RPH3AL: variants seen among roughly 807,000 people sequenced by gnomAD.
RPH3AL encodes rabphilin 3A like (without C2 domains).
Under a neutral mutation model 43.1 loss-of-function variants are expected in RPH3AL, and 38 were observed. That is an observed-to-expected ratio of 0.88 (90% CI 0.68 to 1.15). RPH3AL has a LOEUF of 1.15. RPH3AL is among the 50% of genes most tolerant of loss of function. The pLI, the probability that RPH3AL is intolerant of heterozygous loss-of-function variation, is 0.00. For missense variants in RPH3AL, 462 were observed against 423.2 expected (o/e 1.09, Z -0.81); for synonymous variants, 189 against 176.3 (o/e 1.07, Z -0.57).
chr17:339,100 C>T (rs1244816614), intron 1 of RPH3AL: 2 of 152,382 alleles, frequency 1.3e-5, no homozygotes, highest in Non-Finnish European at 2.9e-5. Flanking sequence ...CGGCTGACCT[C>T]GCCTGCTATC....
At chr17:220,579 A>G (rs201954953) in intron 7 of RPH3AL, among the ~76,000 whole-genome samples, 20 of 44,554 alleles carry the variant, frequency 4.5e-4, no homozygotes, top group African/African-American at 2.8e-3. Context: ...GAGACAATAG[A>G]CCCAAGCACA....
At chr17:249,501 C>A (rs2041838167) in intron 6 of RPH3AL, among the ~76,000 whole-genome samples, 1 of 152,004 alleles carries the variant, frequency 6.6e-6, no homozygotes, top group Non-Finnish European at 1.5e-5. Context: ...ACCACCGCCA[C>A]CCCCCTCCTG....
At chr17:304,998 AGGGGACAGGGCGAGAG>A (rs2043439750) in intron 5 of RPH3AL, among the ~76,000 whole-genome samples, 4 of 4,056 alleles carry the variant, frequency 9.9e-4, no homozygotes, top group Non-Finnish European at 2.2e-3. Context: ...ACAGGGCGAG[AGGGGACAGGGCGAGAG>A]GGGGACAGGG....
At chr17:350,378 G>A (rs1212411279) in intron 1 of RPH3AL, among the ~76,000 whole-genome samples, 3 of 152,148 alleles carry the variant, frequency 2.0e-5, no homozygotes, top group East Asian at 3.9e-4. Flanking sequence ...TTGGGAGGCC[G>A]AGGTGGGCAG....
At chr17:266,446 C>A (rs1360909081) in intron 6 of RPH3AL, among the ~76,000 whole-genome samples, 1 of 152,194 alleles carries the variant, frequency 6.6e-6, no homozygotes, top group Non-Finnish European at 1.5e-5. Context: ...CTGCAGGTGG[C>A]CGGCTGGCTC....
intron 7 of RPH3AL, among the ~76,000 whole-genome samples, chr17:222,553 T>G (rs2041016636): frequency 6.6e-6 from 1 of 152,218 alleles, no homozygotes; most frequent in South Asian, 2.1e-4. Context: ...CGTATTTGGC[T>G]GGGTAATCAA....
chr17:285,266 C>G (rs143888822), intron 5 of RPH3AL, among the ~76,000 whole-genome samples: 1 of 152,326 alleles, frequency 6.6e-6, no homozygotes, highest in African/African-American at 2.4e-5. Context: ...TGACTCTCGG[C>G]TCCTTCAGAG....
rs541692556 is a variant in RPH3AL, at chr17:267,663, C to T, written c.438+14105G>A. ...TATTTGATTAGTGGCTCATTTCCGA[C>T]GGGTCTTGTTCCCTGCTGGGGAAAG... On this transcript the variant is annotated intron_variant, in intron 6 of 9. Transcript: ENST00000331302. Among the ~76,000 whole-genome samples the T allele has an allele frequency of 9.8e-5, 15 of 152,286 alleles. No homozygotes were observed. The South Asian group carries it at 2.5e-3, about 25-fold the overall frequency.
intron 6 of RPH3AL, among the ~76,000 whole-genome samples, chr17:263,077 A>G (rs2042238012): frequency 6.6e-6 from 1 of 152,196 alleles, no homozygotes; most frequent in South Asian, 2.1e-4. Flanking sequence ...CAAATCATAA[A>G]GCATGGAAGA....
At chr17:343,364 C>T (rs137905011) in intron 1 of RPH3AL, among the ~76,000 whole-genome samples, 227 of 152,348 alleles carry the variant, frequency 1.5e-3, no homozygotes, top group African/African-American at 5.3e-3. Flanking sequence ...CCAAATGAAT[C>T]TGGCAAGGGA....
Position 329,082 on chromosome 17 carries a change from A to G in RPH3AL, c.-36-1503T>C, listed in dbSNP as rs2044685803. 2.6e-5 allele frequency among the ~76,000 whole-genome samples: 4 copies of G among 152,220 alleles called. No individual in the cohort carries two copies. The South Asian group carries it at 8.3e-4, about 32-fold the overall frequency. On this transcript the variant is annotated intron_variant, in intron 2 of 9. Transcript: ENST00000331302. ...TGGTCACACATTTCAAGAATACACT[A>G]AAACCACTGAATCGCACCCTTTAAA...
At chr17:267,202 C>G (rs757452205) in intron 6 of RPH3AL, among the ~76,000 whole-genome samples, 2 of 152,256 alleles carry the variant, frequency 1.3e-5, no homozygotes, top group Non-Finnish European at 2.9e-5. Context: ...CTTTCATCTG[C>G]TGCTCTTAAT....
At chr17:326,710 C>T (rs757530812) in intron 3 of RPH3AL, among the ~76,000 whole-genome samples, 7 of 152,280 alleles carry the variant, frequency 4.6e-5, no homozygotes, top group East Asian at 1.9e-4. Flanking sequence ...GTAAAACCCC[C>T]GTCTCTACTA....
At chr17:263,911 G>T (rs547929321) in intron 6 of RPH3AL, among the ~76,000 whole-genome samples, 17 of 152,194 alleles carry the variant, frequency 1.1e-4, no homozygotes, top group Non-Finnish European at 2.4e-4. Flanking sequence ...GCACCTCGAC[G>T]GGTTTTCAAG....
rs1038206830 is a variant in RPH3AL, at chr17:290,395, G to A, written c.352-8541C>T. ...ACTCCGGGAATCCTTCACTGAGGGTGGGAAGCGGGGATGTTTACCAGACCA... is the reference window on the plus strand; with the variant it reads ...ACTCCGGGAATCCTTCACTGAGGGTAGGAAGCGGGGATGTTTACCAGACCA... On this transcript the variant is annotated intron_variant, in intron 5 of 9. Coordinates refer to ENST00000331302, the MANE Select transcript of RPH3AL (RefSeq NM_006987.4). This position sits in a 1 kb window ranked among gnomAD's most constrained non-coding sequence, Gnocchi z 4.2. Among the ~76,000 whole-genome samples, 4 of 151,906 alleles carry A rather than the reference G, an allele frequency of 2.6e-5. No homozygotes were observed. The highest frequency in any genetic ancestry group is 9.7e-5 in the African/African-American group (4 of 41,344).
intron 7 of RPH3AL, among the ~76,000 whole-genome samples, chr17:232,981 G>A (rs372158061): frequency 2.6e-5 from 4 of 152,094 alleles, no homozygotes; most frequent in African/African-American, 9.6e-5. Flanking sequence ...AACAGAGATG[G>A]GGAAGGTGAT....
chr17:332,157 T>C, intron 2 of RPH3AL: 1 of 338,186 alleles, frequency 3.0e-6, no homozygotes, highest in South Asian at 2.3e-5. Flanking sequence ...CAGGAGGTTC[T>C]GTGGACAGGG....
At chr17:223,575 A>G (rs2041040405) in intron 7 of RPH3AL, among the ~76,000 whole-genome samples, 1 of 152,224 alleles carries the variant, frequency 6.6e-6, no homozygotes, top group African/African-American at 2.4e-5. Flanking sequence ...TGCGGTGGCT[A>G]GCACGTTTCA....
At chr17:293,454 G>T (rs968663301) in intron 5 of RPH3AL, among the ~76,000 whole-genome samples, 1 of 151,072 alleles carries the variant, frequency 6.6e-6, no homozygotes, top group Non-Finnish European at 1.5e-5. Flanking sequence ...AGATGAAGCC[G>T]CCAGGATGGC....
Sources: allele counts gnomAD v4.1 joint callset (sites outside exome capture counted in the v4.1 genomes callset), GRCh38; gene constraint gnomAD v4.1.1; non-coding constraint Gnocchi (gnomAD v3.1); transcripts MANE v1.5; gene names NCBI Gene and HGNC (gene_info 2026-07-23, HGNC 2026-07-21).